The following DENND2B variants were observed in gnomAD, a reference collection of about 807,000 sequenced individuals.
DENND2B encodes DENN domain-containing protein 2B.
Under a neutral mutation model 116.0 loss-of-function variants are expected in DENND2B, and 32 were observed. That is an observed-to-expected ratio of 0.28 (90% CI 0.21 to 0.37). DENND2B has a LOEUF of 0.37. Ranked by LOEUF, DENND2B falls within the 10% of genes least tolerant of loss-of-function variation. The pLI, the probability that DENND2B is intolerant of heterozygous loss-of-function variation, is 1.00. For missense variants in DENND2B, 1,276 were observed against 1,477.7 expected, an observed-to-expected ratio of 0.86 and a Z score of 2.24; for synonymous variants, 588 against 583.9, an observed-to-expected ratio of 1.01 and a Z score of -0.10.
At chr11:8,847,384 C>T (rs771318893) in intron 3 of DENND2B, among the ~76,000 whole-genome samples, 13 of 152,174 alleles carry the variant, frequency 8.5e-5, no homozygotes, top group Non-Finnish European at 1.6e-4. Flanking sequence ...ATTCAAAATA[C>T]CTCAATTCCT....
chr11:8,882,550 C>T (rs892789047), intron 1 of DENND2B, among the ~76,000 whole-genome samples: 1 of 152,148 alleles, frequency 6.6e-6, no homozygotes, highest in Non-Finnish European at 1.5e-5. Context: ...TGTTGAATTA[C>T]AATAATTTCA....
chr11:8,695,312 C>A, intron 19 of DENND2B, 151 bp downstream of exon 19: 1 of 738,654 alleles, frequency 1.4e-6, no homozygotes, highest in Non-Finnish European at 2.3e-6. Context: ...GGCTGAGAAC[C>A]TTCTAGTCAC....
intron 3 of DENND2B, among the ~76,000 whole-genome samples, chr11:8,853,127 G>A (rs1246317038): frequency 6.6e-6 from 1 of 152,202 alleles, no homozygotes; most frequent in African/African-American, 2.4e-5. Context: ...ACTTAGGGAG[G>A]ATGAGGCGGG....
intron 4 of DENND2B, among the ~76,000 whole-genome samples, chr11:8,825,063 T>C (rs781506907): frequency 3.9e-4 from 60 of 152,200 alleles, no homozygotes; most frequent in Non-Finnish European, 7.6e-4. Context: ...CTGGGTGGAA[T>C]GGTATTTCTG....
chr11:8,873,040 G>A (rs1415700748), upstream of DENND2B, among the ~76,000 whole-genome samples: 8 of 152,290 alleles, frequency 5.3e-5, no homozygotes, highest in East Asian at 1.5e-3. Flanking sequence ...TGGAACAAGA[G>A]AACTCATGAA....
At chr11:8,711,773 A>C (rs1012714780) in intron 9 of DENND2B, 1 of 277,828 alleles carries the variant, frequency 3.6e-6, no homozygotes, top group African/African-American at 2.2e-5. Context: ...AGGCTGAGGC[A>C]GGAGAATCGC....
At chr11:8,697,729 T>A in intron 16 of DENND2B, 93 bp from the exon 17 acceptor site, 1 of 794,238 alleles carries the variant, frequency 1.3e-6, no homozygotes, top group South Asian at 1.4e-5. Flanking sequence ...GTAGATAATC[T>A]CATTTATCTC....
intron 1 of DENND2B, among the ~76,000 whole-genome samples, chr11:8,789,356 A>G (rs2059176674): frequency 6.6e-6 from 1 of 152,194 alleles, no homozygotes; most frequent in Non-Finnish European, 1.5e-5. Context: ...TTTAACAATA[A>G]AACAACTTAC....
intron 3 of DENND2B, among the ~76,000 whole-genome samples, chr11:8,854,254 T>C (rs1206768719): frequency 1.3e-5 from 2 of 151,950 alleles, no homozygotes; most frequent in Non-Finnish European, 2.9e-5. Flanking sequence ...CAGGCTAGAG[T>C]GCAACAGCAC....
At chr11:8,695,276 A>G (rs1284344252) in intron 19 of DENND2B, among the ~76,000 whole-genome samples, 187 bp downstream of exon 19, 1 of 152,176 alleles carries the variant, frequency 6.6e-6, no homozygotes, top group African/African-American at 2.4e-5. Flanking sequence ...AAGGACCACT[A>G]CTGTGCAAAA....
At chr11:8,901,186 C>T (rs1025094407) in intron 1 of DENND2B, among the ~76,000 whole-genome samples, 2 of 147,906 alleles carry the variant, frequency 1.4e-5, no homozygotes, top group South Asian at 2.2e-4. Context: ...TTAGTTTGTT[C>T]TTCTTTTCCT....
Position 8,860,458 on chromosome 11 carries a change from A to C in DENND2B, c.-249-3022T>G, listed in dbSNP as rs147952138. 3.3e-3 allele frequency among the ~76,000 whole-genome samples: 495 copies of C among 152,306 alleles called. 5 individuals are homozygous for C. The highest frequency in any genetic ancestry group is 0.011 in the African/African-American group (474 of 41,560). ...TCCTTTTTAATACCTTCAAAAACAAATAAAATACCTAGTAATATACTTAAC... is the reference window on the plus strand; with the variant it reads ...TCCTTTTTAATACCTTCAAAAACAACTAAAATACCTAGTAATATACTTAAC... On this transcript the variant is annotated intron_variant, in intron 2 of 6. Transcript: ENST00000524757.
rs540821591 is a variant in DENND2B at position 8,717,981 on chromosome 11, T to C, written c.1478-89A>G. The C allele has an allele frequency of 2.1e-4, 318 of 1,485,108 alleles. 2 individuals carry two copies. In the African/African-American group the frequency reaches 3.8e-3, roughly 18 times the overall value. 92.0% of individuals were successfully genotyped at this position (1,485,108 alleles called of 1,614,324 possible). On this transcript the variant is annotated intron_variant, in intron 4 of 19. Coordinates refer to ENST00000313726, the MANE Select transcript of DENND2B (RefSeq NM_213618.2). ...CACACAAATAAACAAGCAGAATTCC[T>C]GTGAACCAAAGAGAATGGCTTCTGC...
chr11:8,871,993 C>G (rs2134712951), upstream of DENND2B, among the ~76,000 whole-genome samples: 1 of 152,258 alleles, frequency 6.6e-6, no homozygotes, highest in East Asian at 1.9e-4. Flanking sequence ...AAATGCACAA[C>G]AGCAGCAATG....
intron 1 of DENND2B, among the ~76,000 whole-genome samples, chr11:8,894,620 T>G (rs977689528): frequency 1.1e-4 from 16 of 152,118 alleles, no homozygotes; most frequent in African/African-American, 3.6e-4. Flanking sequence ...AAAGAAGACA[T>G]TTATGCAGCC....
chr11:8,861,038 AGATG>A (rs2063373230), intron 2 of DENND2B, among the ~76,000 whole-genome samples: 1 of 87,938 alleles, frequency 1.1e-5, no homozygotes, highest in African/African-American at 4.0e-5. Flanking sequence ...AATTAACTCG[AGATG>A]GATCAAAGAT....
chr11:8,896,099 T>C (rs2064097955), intron 1 of DENND2B, among the ~76,000 whole-genome samples: 1 of 152,174 alleles, frequency 6.6e-6, no homozygotes. Flanking sequence ...TAATTATAAT[T>C]AGGTAAACTT....
chr11:8,719,246 T>C (rs1334643055), intron 4 of DENND2B: 1 of 985,200 alleles, frequency 1.0e-6, no homozygotes, highest in Non-Finnish European at 1.2e-6. Flanking sequence ...ATTCCTCCAT[T>C]TCCAAAGTGG....
At chr11:8,698,160 AAAAAAAG>A (rs2040766794) in intron 16 of DENND2B, among the ~76,000 whole-genome samples, 1 of 147,968 alleles carries the variant, frequency 6.8e-6, no homozygotes, top group Non-Finnish European at 1.5e-5. Context: ...AAAAAAAAAA[AAAAAAAG>A]GGGGTAGAGC....
Sources: allele counts gnomAD v4.1 joint callset (sites outside exome capture counted in the v4.1 genomes callset), GRCh38; gene constraint gnomAD v4.1.1; transcripts MANE v1.5; gene names NCBI Gene and HGNC (gene_info 2026-07-23, HGNC 2026-07-21).